The following SUGCT variants were observed in gnomAD, a reference collection of about 807,000 sequenced individuals.
SUGCT encodes succinyl-CoA:glutarate-CoA transferase, also known as succinyl-CoA:glutarate CoA-transferase.
Under a neutral mutation model 55.0 loss-of-function variants are expected in SUGCT, and 41 were observed. That is an observed-to-expected ratio of 0.74 (90% CI 0.58 to 0.97). The LOEUF is 0.97. SUGCT is among the 50% of genes least tolerant of loss of function. The pLI is 0.00. For missense variants in SUGCT, 568 were observed against 547.8 expected (o/e 1.04, Z -0.37); for synonymous variants, 187 against 200.4 (o/e 0.93, Z 0.56).
At chr7:40,518,885 A>T (rs977948523) in intron 12 of SUGCT, among the ~76,000 whole-genome samples, 3 of 152,144 alleles carry the variant, frequency 2.0e-5, no homozygotes. Context: ...GTTACAACTC[A>T]AAAGAATAAA....
intron 3 of SUGCT, among the ~76,000 whole-genome samples, chr7:40,186,207 C>T (rs1241793031): frequency 7.2e-6 from 1 of 138,488 alleles, no homozygotes; most frequent in Non-Finnish European, 1.6e-5. Context: ...CCTCCCCTCC[C>T]CTTCCCTCCT....
intron 13 of SUGCT, among the ~76,000 whole-genome samples, chr7:40,805,770 G>C (rs1791059218): frequency 2.0e-5 from 3 of 152,162 alleles, no homozygotes; most frequent in Admixed American, 2.0e-4. Context: ...AGATTGCCTT[G>C]AACCTCCCTC....
At chr7:40,363,674 G>A (rs1798265577) in intron 9 of SUGCT, among the ~76,000 whole-genome samples, 1 of 152,172 alleles carries the variant, frequency 6.6e-6, no homozygotes, top group South Asian at 2.1e-4. Flanking sequence ...TGTGGTCTGA[G>A]AGACAGTTTG....
At chr7:40,274,421 T>G (rs1792324084) in intron 7 of SUGCT, 92 bp from the exon 8 acceptor site, 12 of 1,368,660 alleles carry the variant, frequency 8.8e-6, no homozygotes, top group Non-Finnish European at 1.2e-5. Flanking sequence ...TAGACAATTC[T>G]TTTTTCTATT....
At chr7:40,666,114 A>G (rs1030653382) in intron 12 of SUGCT, among the ~76,000 whole-genome samples, 1 of 151,866 alleles carries the variant, frequency 6.6e-6, no homozygotes, top group African/African-American at 2.4e-5. Context: ...TAATCCCAGC[A>G]CTTTGGGAGG....
At chr7:41,028,613 GC>G in the SUGCT span, among the ~76,000 whole-genome samples, 1 of 152,164 alleles carries the variant, frequency 6.6e-6, no homozygotes, top group Non-Finnish European at 1.5e-5. Flanking sequence ...AGTACTGTAG[GC>G]AATTGTTACA....
At position 40,614,436 on chromosome 7, in the gene SUGCT, C is replaced by A. The variant is rs143012275; in HGVS notation, c.1089+118050C>A. ...GTAGGTGTCTGTCTCCAGGAGGAGA[C>A]AATCATATGCTGACATCTTTATTTC... On this transcript the variant is annotated intron_variant, in intron 12 of 13. Transcript: ENST00000335693. Among the ~76,000 whole-genome samples, 9 of 152,252 alleles carry A rather than the reference C, an allele frequency of 5.9e-5. No homozygotes were observed. In the East Asian group the frequency reaches 1.5e-3, roughly 26 times the overall value.
chr7:41,025,505 A>T, the SUGCT span, among the ~76,000 whole-genome samples: 1 of 151,734 alleles, frequency 6.6e-6, no homozygotes, highest in Non-Finnish European at 1.5e-5. Flanking sequence ...GAGTAGCTGG[A>T]ACTACAGGCA....
At chr7:40,367,752 A>C (rs781424987) in intron 9 of SUGCT, among the ~76,000 whole-genome samples, 3 of 152,020 alleles carry the variant, frequency 2.0e-5, no homozygotes, top group Non-Finnish European at 2.9e-5. Flanking sequence ...GTGGTCTGTT[A>C]TCTCTCCCTT....
the SUGCT span, among the ~76,000 whole-genome samples, chr7:40,950,783 A>G: frequency 6.6e-6 from 1 of 152,204 alleles, no homozygotes; most frequent in Non-Finnish European, 1.5e-5. Flanking sequence ...ATGTTGAAAC[A>G]GCCTTGCATC....
At chr7:40,808,040 A>G (rs55834632) in intron 13 of SUGCT, 13,304 of 152,256 alleles carry the variant, frequency 0.087, 670 homozygotes, top group Middle Eastern at 0.16. Context: ...CTTTGGCAAC[A>G]CCCACATAGA....
intron 8 of SUGCT, among the ~76,000 whole-genome samples, chr7:40,301,114 G>A (rs1055900685): frequency 6.6e-6 from 1 of 151,886 alleles, no homozygotes; most frequent in African/African-American, 2.4e-5. Flanking sequence ...TCAGCATATC[G>A]TCCCTCTAAG....
intron 6 of SUGCT, among the ~76,000 whole-genome samples, chr7:40,232,879 A>G (rs899882579): frequency 2.0e-4 from 30 of 152,302 alleles, no homozygotes; most frequent in Middle Eastern, 3.4e-3. Context: ...TAGAATCGAT[A>G]TGCATACATT....
At chr7:41,027,919 C>T in the SUGCT span, among the ~76,000 whole-genome samples, 318 of 152,306 alleles carry the variant, frequency 2.1e-3, 1 homozygote, top group African/African-American at 6.8e-3. Flanking sequence ...TCCCAGCAGA[C>T]GCCATACCTT....
chr7:40,653,241 T>C (rs936398886), intron 12 of SUGCT, among the ~76,000 whole-genome samples: 4 of 152,236 alleles, frequency 2.6e-5, no homozygotes, highest in African/African-American at 9.6e-5. Flanking sequence ...ATTAAATGCA[T>C]TTTAAAATGG....
chr7:40,451,172 A>C (rs1313751888), intron 10 of SUGCT, among the ~76,000 whole-genome samples: 2 of 152,290 alleles, frequency 1.3e-5, no homozygotes, highest in Non-Finnish European at 2.9e-5. Context: ...GTTCATTGCT[A>C]TAAACGAGTA....
the SUGCT span, among the ~76,000 whole-genome samples, chr7:40,900,762 A>T: frequency 6.6e-6 from 1 of 152,252 alleles, no homozygotes; most frequent in Non-Finnish European, 1.5e-5. Context: ...GGAACTTAGG[A>T]CAGAGTAAGG....
At chr7:40,924,029 G>A in the SUGCT span, among the ~76,000 whole-genome samples, 2 of 152,134 alleles carry the variant, frequency 1.3e-5, no homozygotes, top group East Asian at 1.9e-4. Context: ...GTCTGAGGGA[G>A]CTTATTTGCC....
rs577173685 is a variant in SUGCT, at chr7:40,201,121, A to G, written c.484+6061A>G. Among the ~76,000 whole-genome samples the G allele has an allele frequency of 1.3e-3, 205 of 152,284 alleles. 1 individual carries two copies. Among genetic ancestry groups the G allele is most frequent in the African/African-American group, 4.5e-3 (189 of 41,562 alleles). On this transcript the variant is annotated intron_variant, in intron 6 of 13. Transcript: ENST00000335693. ...ATCTGCAAATCCATACTGCAAATTC[A>G]TAGATGTTTTGAAGGTGAGAAAAGA...
Sources: allele counts gnomAD v4.1 joint callset (sites outside exome capture counted in the v4.1 genomes callset), GRCh38; gene constraint gnomAD v4.1.1; transcripts MANE v1.5; gene names NCBI Gene and HGNC (gene_info 2026-07-23, HGNC 2026-07-21).